Variants in RANBP2 observed in about 807,000 individuals in gnomAD.
RANBP2 encodes E3 SUMO-protein ligase RanBP2.
In RANBP2, 57 loss-of-function variants were observed where a neutral mutation model predicts 303.6. The observed-to-expected ratio is 0.19, with a 90% CI of 0.15 to 0.23. RANBP2 has a LOEUF of 0.23. Among genes scored for constraint, RANBP2 ranks in the 10% least tolerant of loss-of-function variants. The pLI, the probability that RANBP2 is intolerant of heterozygous loss-of-function variation, is 1.00. For missense variants in RANBP2, 3,138 were observed against 3,780.8 expected (o/e 0.83, Z 4.46); for synonymous variants, 1,167 against 1,301.5 (o/e 0.90, Z 2.23).
At chr2:109,078,992 A>G in the RANBP2 span, among the ~76,000 whole-genome samples, 1 of 151,326 alleles carries the variant, frequency 6.6e-6, no homozygotes, top group Non-Finnish European at 1.5e-5. Context: ...CTCTGTTTCA[A>G]AAAAAAAGGT....
chr2:109,567,393 T>G, the RANBP2 span, among the ~76,000 whole-genome samples: 1 of 152,174 alleles, frequency 6.6e-6, no homozygotes, highest in African/African-American at 2.4e-5. Context: ...AACTTGACAC[T>G]ATGAGAGAGA....
chr2:108,747,688 G>A (rs994275263), intron 8 of RANBP2, among the ~76,000 whole-genome samples: 1 of 152,012 alleles, frequency 6.6e-6, no homozygotes, highest in Non-Finnish European at 1.5e-5. Flanking sequence ...TTTGATCTGG[G>A]CATCCCGAGG....
At chr2:109,717,542 A>G in the RANBP2 span, among the ~76,000 whole-genome samples, 2 of 151,816 alleles carry the variant, frequency 1.3e-5, no homozygotes, top group African/African-American at 2.4e-5. Flanking sequence ...AGATCTTACC[A>G]TTGCATTCCA....
the RANBP2 span, among the ~76,000 whole-genome samples, chr2:109,532,919 T>C: frequency 2.0e-5 from 3 of 152,186 alleles, no homozygotes; most frequent in African/African-American, 7.2e-5. Flanking sequence ...TCCTTCTGTT[T>C]AGTTTCTGTT....
chr2:109,452,049 C>T, the RANBP2 span, among the ~76,000 whole-genome samples: 1 of 152,272 alleles, frequency 6.6e-6, no homozygotes, highest in Admixed American at 6.5e-5. Context: ...AAGACAAGCA[C>T]TGGTCTACAA....
intron 1 of RANBP2, among the ~76,000 whole-genome samples, chr2:108,726,149 G>T (rs1649341): frequency 6.6e-6 from 1 of 152,020 alleles, no homozygotes; most frequent in Non-Finnish European, 1.5e-5. Context: ...AATTGCAAAC[G>T]GTTCTGAATA....
At chr2:109,562,127 C>T in the RANBP2 span, among the ~76,000 whole-genome samples, 3 of 151,946 alleles carry the variant, frequency 2.0e-5, no homozygotes, top group Non-Finnish European at 2.9e-5. Flanking sequence ...GCATGAGAAT[C>T]GCTTGAACCC....
the RANBP2 span, among the ~76,000 whole-genome samples, chr2:108,911,680 G>A: frequency 2.6e-5 from 4 of 152,148 alleles, no homozygotes; most frequent in African/African-American, 7.2e-5. Context: ...TGCATAAAAT[G>A]CCCTGAAGCT....
At chr2:109,492,325 G>A in the RANBP2 span, among the ~76,000 whole-genome samples, 1 of 152,156 alleles carries the variant, frequency 6.6e-6, no homozygotes, top group East Asian at 1.9e-4. Flanking sequence ...GATGCCTAGC[G>A]CCAAGCCTAT....
the RANBP2 span, among the ~76,000 whole-genome samples, chr2:108,909,256 G>A: frequency 6.6e-6 from 1 of 152,192 alleles, no homozygotes; most frequent in Non-Finnish European, 1.5e-5. Flanking sequence ...AGAAGGGAGA[G>A]GCTGAGACAG....
the RANBP2 span, among the ~76,000 whole-genome samples, chr2:109,232,776 G>A: frequency 6.6e-6 from 1 of 152,108 alleles, no homozygotes; most frequent in Non-Finnish European, 1.5e-5. Flanking sequence ...TAATTAAAGG[G>A]TCCCCTAAAC....
chr2:109,501,922 A>G, the RANBP2 span: 3 of 457,496 alleles, frequency 6.6e-6, no homozygotes, highest in South Asian at 1.1e-4. Flanking sequence ...ACTGCAAAGA[A>G]AGCACCTTGA....
chr2:108,831,004 G>A, the RANBP2 span, among the ~76,000 whole-genome samples: 1 of 151,964 alleles, frequency 6.6e-6, no homozygotes, highest in Non-Finnish European at 1.5e-5. Flanking sequence ...GAGAAACTCT[G>A]TCTCTACTGA....
At chr2:109,358,691 T>A in the RANBP2 span, among the ~76,000 whole-genome samples, 1 of 152,264 alleles carries the variant, frequency 6.6e-6, no homozygotes, top group Non-Finnish European at 1.5e-5. Context: ...TAATCCTTTA[T>A]CATAGTTGTC....
chr2:109,259,693 A>C, the RANBP2 span, among the ~76,000 whole-genome samples: 1 of 152,232 alleles, frequency 6.6e-6, no homozygotes, highest in Non-Finnish European at 1.5e-5. Flanking sequence ...CGGCCTACGG[A>C]AGAAGAATTT....
At chr2:109,062,797 A>G in the RANBP2 span, among the ~76,000 whole-genome samples, 1 of 111,318 alleles carries the variant, frequency 9.0e-6, no homozygotes, top group Non-Finnish European at 1.9e-5. Flanking sequence ...GGATGCTAGG[A>G]TGGGGTGGGG....
chr2:109,622,661 C>T, the RANBP2 span, among the ~76,000 whole-genome samples: 1 of 152,148 alleles, frequency 6.6e-6, no homozygotes, highest in South Asian at 2.1e-4. Context: ...GCTCACCTCC[C>T]CTCTGTCCAG....
At chr2:109,349,869 C>T in the RANBP2 span, among the ~76,000 whole-genome samples, 2 of 152,256 alleles carry the variant, frequency 1.3e-5, no homozygotes, top group Non-Finnish European at 2.9e-5. Flanking sequence ...AGGCTGAAGG[C>T]TAGAGCCCAC....
chr2:108,925,405 C>T, the RANBP2 span, among the ~76,000 whole-genome samples: 1 of 152,218 alleles, frequency 6.6e-6, no homozygotes, highest in Non-Finnish European at 1.5e-5. Flanking sequence ...GGCGGATGCA[C>T]AACACCCGGC....
Sources: allele counts gnomAD v4.1 joint callset (sites outside exome capture counted in the v4.1 genomes callset), GRCh38; gene constraint gnomAD v4.1.1; transcripts MANE v1.5; gene names NCBI Gene and HGNC (gene_info 2026-07-23, HGNC 2026-07-21).